The following RNF216 variants were observed in gnomAD, a reference collection of about 807,000 sequenced individuals.
RNF216 encodes ring finger protein 216, also known as E3 ubiquitin-protein ligase RNF216.
A neutral mutation model predicts 110.8 loss-of-function variants in RNF216; 72 were observed. That is an observed-to-expected ratio of 0.65 (90% confidence interval 0.54 to 0.79). The LOEUF is 0.79. RNF216 is among the 30% of genes least tolerant of loss of function. The pLI is 0.00. For synonymous variants in RNF216, 495 were observed against 407.5 expected, an observed-to-expected ratio of 1.21 and a Z score of -2.59; for missense variants, 1,342 against 1,141.2, an observed-to-expected ratio of 1.18 and a Z score of -2.54.
intron 13 of RNF216, among the ~76,000 whole-genome samples, chr7:5,655,401 C>T (rs1056466815): frequency 1.3e-5 from 2 of 152,326 alleles, no homozygotes; most frequent in African/African-American, 4.8e-5. Context: ...CATTAGAGAC[C>T]AGCCTGGCCA....
chr7:5,655,983 G>A (rs922116543), intron 13 of RNF216, among the ~76,000 whole-genome samples: 2 of 152,006 alleles, frequency 1.3e-5, no homozygotes, highest in Non-Finnish European at 2.9e-5. Context: ...AGCCTCCTGG[G>A]TAGCTGAGAC....
In RNF216 at chr7:5,761,080, A is replaced by C; in HGVS notation, c.-11T>G. On this transcript the variant is annotated 5_prime_UTR_variant, in exon 2 of 17. Coordinates refer to ENST00000389902, the MANE Select transcript of RNF216 (RefSeq NM_207111.4). ...GTTTCCCTCTTCCATTTTCAAATGC[A>C]GACATGCATATATGGGACTGCTAAT... 2 of 1,573,446 alleles carry C rather than the reference A, an allele frequency of 1.3e-6. No individual in the cohort carries two copies. Among genetic ancestry groups the C allele is most frequent in the South Asian group, 2.4e-5 (2 of 84,554 alleles).
intron 10 of RNF216, 130 bp downstream of exon 10, chr7:5,716,586 C>A: frequency 1.5e-6 from 1 of 645,974 alleles, no homozygotes. Flanking sequence ...TATAACTTGG[C>A]TGAACTGCAA....
chr7:5,759,230 A>G (rs1312934873), intron 2 of RNF216, among the ~76,000 whole-genome samples: 2 of 152,082 alleles, frequency 1.3e-5, no homozygotes. Flanking sequence ...AGAGGCCGCT[A>G]TGTTTCCTAT....
Position 5,722,011 on chromosome 7 carries a change from T to G in RNF216, c.1505-839A>C, listed in dbSNP as rs13228965. 5.3e-3 allele frequency among the ~76,000 whole-genome samples: 803 copies of G among 152,330 alleles called. 5 individuals carry two copies. The highest frequency in any genetic ancestry group is 6.8e-3 in the Middle Eastern group (2 of 294). ...ATTCACAGATCACTGCAGCCTCAAC[T>G]CCTGGGCTCAGGCAATCCTCCCGCC... is the stretch of plus-strand genomic sequence containing the variant. On this transcript the variant is annotated intron_variant, in intron 8 of 16. Coordinates refer to ENST00000389902, the MANE Select transcript of RNF216 (RefSeq NM_207111.4).
At chr7:5,771,938 C>T (rs933963362) in intron 1 of RNF216, among the ~76,000 whole-genome samples, 2 of 151,356 alleles carry the variant, frequency 1.3e-5, no homozygotes, top group African/African-American at 4.8e-5. Flanking sequence ...GAAATGTAAA[C>T]TAAAACCACA....
chr7:5,741,550 G>A lies in RNF216; in HGVS notation c.467C>T (p.Pro156Leu), dbSNP rs758845396. Residue 156 changes from proline (P) to leucine (L), a missense_variant, in exon 4 of 17, where the codon CCC becomes CTC. By Grantham distance (98) the Pro-to-Leu change is moderately conservative. Transcript: ENST00000389902. The part of the protein sequence containing the change: ...TKPSGQTERE[P>L]KPGPSHNQAA... ...TTGGTTATGACTCGGTCCAGGCTTG[G>A]GTTCTCTTTCTGTTTGGCCACTTGG... The A allele has an allele frequency of 1.9e-6, 3 of 1,614,162 alleles. No homozygotes were observed. The highest frequency in any genetic ancestry group is 3.3e-5 in the Admixed American group (2 of 60,016).
At chr7:5,631,856 T>A (rs1778258583) in intron 15 of RNF216, among the ~76,000 whole-genome samples, 2 of 152,198 alleles carry the variant, frequency 1.3e-5, no homozygotes, top group Non-Finnish European at 2.9e-5. Context: ...CCCACTCAGA[T>A]TCCATTGTAG....
intron 1 of RNF216, among the ~76,000 whole-genome samples, chr7:5,779,011 T>C (rs1303017450): frequency 2.0e-5 from 3 of 152,264 alleles, no homozygotes; most frequent in African/African-American, 7.2e-5. Context: ...CCCAAAGTGC[T>C]GGGATTACGG....
rs764464402 is a variant in RNF216, at chr7:5,715,159, T to C, written c.1727A>G (p.Tyr576Cys). Residue 576 changes from tyrosine (Y) to cysteine (C), a missense_variant, in exon 11 of 17, where the codon TAT becomes TGT. Coordinates refer to ENST00000389902, the MANE Select transcript of RNF216 (RefSeq NM_207111.4). ...DGQLIECRCC[Y>C]GEFPFEELTQ... is the part of the protein sequence containing the mutation. ...CAGCTCCTCGAATGGAAATTCCCCA[T>C]AGCAGCAGCGACACTCAATCAGCTG... 2.5e-5 allele frequency: 40 copies of C among 1,613,528 alleles called. No homozygotes were observed. Among genetic ancestry groups the C allele is most frequent in the African/African-American group, 4.0e-5 (3 of 74,902 alleles).
chr7:5,652,358 G>C (rs561856497), intron 14 of RNF216, 55 bp downstream of exon 14: 3 of 1,280,468 alleles, frequency 2.3e-6, no homozygotes, highest in Admixed American at 1.7e-5. Flanking sequence ...CCAAAAAGCA[G>C]GTTAATGGGG....
intron 13 of RNF216, among the ~76,000 whole-genome samples, chr7:5,701,770 C>T (rs1791986409): frequency 6.6e-6 from 1 of 152,204 alleles, no homozygotes; most frequent in Admixed American, 6.5e-5. Flanking sequence ...CATGGCCTCA[C>T]AGCACCCAGT....
At chr7:5,699,637 G>A (rs1042450374) in intron 13 of RNF216, among the ~76,000 whole-genome samples, 1 of 152,238 alleles carries the variant, frequency 6.6e-6, no homozygotes, top group South Asian at 2.1e-4. Flanking sequence ...CTTCCCAGGG[G>A]AATTGTACAG....
intron 13 of RNF216, among the ~76,000 whole-genome samples, chr7:5,695,952 G>A (rs1791600902): frequency 6.6e-6 from 1 of 152,202 alleles, no homozygotes. Context: ...ACGCATCCAA[G>A]GAACAGACTT....
At chr7:5,773,110 T>C (rs1256945031) in intron 1 of RNF216, among the ~76,000 whole-genome samples, 2 of 152,092 alleles carry the variant, frequency 1.3e-5, no homozygotes, top group African/African-American at 2.4e-5. Context: ...AACTGACATA[T>C]ATCAGCGTAA....
intron 15 of RNF216, among the ~76,000 whole-genome samples, chr7:5,628,905 G>A (rs1461696258): frequency 1.3e-5 from 2 of 152,166 alleles, no homozygotes; most frequent in African/African-American, 4.8e-5. Context: ...CAAGTCAAGA[G>A]TGAAGACAGG....
chr7:5,718,263 C>T (rs1316598452), intron 9 of RNF216, among the ~76,000 whole-genome samples: 1 of 152,036 alleles, frequency 6.6e-6, no homozygotes, highest in East Asian at 2.0e-4. Context: ...CACCTGTAAT[C>T]CCAGCTACTA....
chr7:5,756,946 C>T (rs1795675720), intron 2 of RNF216, among the ~76,000 whole-genome samples: 1 of 152,158 alleles, frequency 6.6e-6, no homozygotes, highest in African/African-American at 2.4e-5. Context: ...GAGCTTTTTA[C>T]TTCTTGTCTA....
At chr7:5,665,871 A>T (rs542274376) in intron 13 of RNF216, among the ~76,000 whole-genome samples, 1 of 152,140 alleles carries the variant, frequency 6.6e-6, no homozygotes, top group East Asian at 1.9e-4. Flanking sequence ...TTATATAAAA[A>T]TTCCAAGACC....
Sources: allele counts gnomAD v4.1 joint callset (sites outside exome capture counted in the v4.1 genomes callset), GRCh38; gene constraint gnomAD v4.1.1; transcripts MANE v1.5; gene names NCBI Gene and HGNC (gene_info 2026-07-23, HGNC 2026-07-21).